ABCA13: variants seen among roughly 807,000 people sequenced by gnomAD.
ABCA13 encodes the protein ATP binding cassette subfamily A member 13, also known as ATP-binding cassette sub-family A member 13.
ABCA13 carries 476 observed loss-of-function variants against 478.7 expected under a neutral mutation model. The observed-to-expected ratio is 0.99, with a 90% CI of 0.92 to 1.07. The LOEUF (loss-of-function observed/expected upper bound fraction) is 1.07, where lower values mean the gene tolerates loss of function less well. Ranked by LOEUF, ABCA13 falls within the 50% of genes least tolerant of loss-of-function variation. The pLI is 0.00. For missense variants in ABCA13, 6,060 were observed against 5,910.6 expected (o/e 1.03, Z -0.83); for synonymous variants, 2,252 against 2,158.9 (o/e 1.04, Z -1.20).
chr7:48,275,216 C>T lies in ABCA13; in HGVS notation c.5550C>T (p.Ser1850=). Reference sequence around the variant, plus strand: ...ATGTCCATGGGCTCATGTCTTCTTCCTTTTATGGCAAAGTGGCCAGTATAC... The same window carrying T: ...ATGTCCATGGGCTCATGTCTTCTTCTTTTTATGGCAAAGTGGCCAGTATAC... The part of the protein sequence containing the change: ...PCNVHGLMSS[S]FYGKVASILD... The change falls in exon 17 of 62, where the codon TCC becomes TCT. Residue 1850 remains serine, a synonymous_variant. Coordinates refer to ENST00000435803, the MANE Select transcript of ABCA13 (RefSeq NM_152701.5). 1.2e-6 allele frequency: 2 copies of T among 1,613,884 alleles called. No homozygotes were observed. The highest frequency in any genetic ancestry group is 1.1e-5 in the South Asian group (1 of 91,076).
chr7:48,310,542 G>A (rs1235822500), intron 24 of ABCA13, among the ~76,000 whole-genome samples: 4 of 152,150 alleles, frequency 2.6e-5, no homozygotes, highest in Non-Finnish European at 5.9e-5. Context: ...GTCCACTCCT[G>A]AGCGGCCCGA....
At position 48,470,130 on chromosome 7, in the gene ABCA13, T is replaced by C. The variant is rs1827325534; in HGVS notation, c.12906-1400T>C. ...TTCTTAAACTTTAAAAGAAAAATTA[T>C]GTAGAAACTTCTGATTTCTCATAGA... On this transcript the variant is annotated intron_variant, in intron 44 of 61. Transcript: ENST00000435803. Among the ~76,000 whole-genome samples the C allele has an allele frequency of 1.3e-5, 2 of 152,230 alleles. 1 individual carries two copies. The highest frequency in any genetic ancestry group is 2.9e-5 in the Non-Finnish European group (2 of 68,044).
chr7:48,639,418 A>G, intron 59 of ABCA13, among the ~76,000 whole-genome samples: 1 of 152,198 alleles, frequency 6.6e-6, no homozygotes, highest in East Asian at 1.9e-4. Flanking sequence ...AGGCAGGAAG[A>G]TGAGAATTAG....
At chr7:48,250,425 C>T (rs574013354) in intron 15 of ABCA13, among the ~76,000 whole-genome samples, 8 of 152,274 alleles carry the variant, frequency 5.3e-5, no homozygotes, top group African/African-American at 1.9e-4. Context: ...AAGTTCCAAC[C>T]TTCTAATTAC....
chr7:48,235,634 G>C (rs1789835248), intron 8 of ABCA13, among the ~76,000 whole-genome samples: 1 of 152,210 alleles, frequency 6.6e-6, no homozygotes, highest in Non-Finnish European at 1.5e-5. Context: ...GGTGTCTGCA[G>C]GGCTGCAATC....
chr7:48,489,984 C>G lies in ABCA13; in HGVS notation c.13291+640C>G, dbSNP rs372405234. Among the ~76,000 whole-genome samples, 372 of 152,262 alleles carry G rather than the reference C, an allele frequency of 2.4e-3. 3 individuals carry two copies. Among genetic ancestry groups the G allele is most frequent in the African/African-American group, 8.8e-3 (364 of 41,556 alleles). ...AAGAAGTATAAGCAACAGGCCATGT[C>G]CACCACAATTTATTCACAAAATGTA... is the stretch of plus-strand genomic sequence containing the variant. On this transcript the variant is annotated intron_variant, in intron 48 of 61. Transcript: ENST00000435803.
chr7:48,537,462 C>G (rs1256596257), intron 55 of ABCA13, among the ~76,000 whole-genome samples: 1 of 152,148 alleles, frequency 6.6e-6, no homozygotes, highest in African/African-American at 2.4e-5. Context: ...TAGAAGGATG[C>G]ATCTCACGGA....
rs1301354803 is a variant in ABCA13 at position 48,585,848 on chromosome 7, T to A, written c.14506-1306T>A. The stretch of plus-strand genomic sequence containing the variant: ...GTCATAAGAGTTAAATAAAATTGTT[T>A]GGAAAATTTTTAAATTATGCTAAGT... On this transcript the variant is annotated intron_variant, in intron 56 of 61. Coordinates refer to ENST00000435803, the MANE Select transcript of ABCA13 (RefSeq NM_152701.5). 2.6e-5 allele frequency among the ~76,000 whole-genome samples: 4 copies of A among 152,166 alleles called. No individual in the cohort carries two copies. The East Asian group carries it at 7.7e-4, about 29-fold the overall frequency.
intron 55 of ABCA13, among the ~76,000 whole-genome samples, chr7:48,564,902 C>T (rs1006193071): frequency 5.3e-5 from 8 of 152,058 alleles, no homozygotes; most frequent in African/African-American, 1.7e-4. Flanking sequence ...TAAAATTTAA[C>T]AGTGACTTGC....
chr7:48,391,309 G>T (rs555276558), intron 37 of ABCA13, among the ~76,000 whole-genome samples: 1 of 152,168 alleles, frequency 6.6e-6, no homozygotes, highest in Non-Finnish European at 1.5e-5. Flanking sequence ...TCATCTTAAA[G>T]TCCCATACAA....
At chr7:48,490,147 T>C (rs1364448022) in intron 48 of ABCA13, among the ~76,000 whole-genome samples, 4 of 152,210 alleles carry the variant, frequency 2.6e-5, no homozygotes, top group African/African-American at 9.6e-5. Flanking sequence ...TAAATTTAAT[T>C]ATTTTGTGGC....
chr7:48,298,618 A>C, intron 23 of ABCA13, 131 bp downstream of exon 23: 1 of 1,076,162 alleles, frequency 9.3e-7, no homozygotes. Context: ...TTGCTGCACA[A>C]ATGATATAAT....
chr7:48,442,558 T>C (rs916765021), intron 42 of ABCA13, among the ~76,000 whole-genome samples: 7 of 152,256 alleles, frequency 4.6e-5, no homozygotes, highest in Admixed American at 1.3e-4. Context: ...GAATTTATAA[T>C]GTTTAGTATA....
At chr7:48,257,794 TGGTATCA>T (rs1424568830) in intron 15 of ABCA13, among the ~76,000 whole-genome samples, 1 of 152,226 alleles carries the variant, frequency 6.6e-6, no homozygotes, top group Non-Finnish European at 1.5e-5. Flanking sequence ...TGCCAGGGTT[TGGTATCA>T]GGATGATGCT....
intron 55 of ABCA13, among the ~76,000 whole-genome samples, chr7:48,577,312 A>G (rs1183658268): frequency 3.3e-5 from 5 of 152,118 alleles, no homozygotes; most frequent in Non-Finnish European, 7.4e-5. Context: ...ATGAATTAAA[A>G]GATGAAATAA....
At chr7:48,280,601 G>T (rs1429663339) in intron 18 of ABCA13, among the ~76,000 whole-genome samples, 1 of 152,130 alleles carries the variant, frequency 6.6e-6, no homozygotes, top group Non-Finnish European at 1.5e-5. Flanking sequence ...TACTGTTAGG[G>T]TGGTCCCTGG....
At chr7:48,363,982 G>A (rs985481852) in intron 31 of ABCA13, among the ~76,000 whole-genome samples, 2 of 152,058 alleles carry the variant, frequency 1.3e-5, no homozygotes, top group Non-Finnish European at 2.9e-5. Context: ...TAATAATTAT[G>A]CAACTCTCAA....
At chr7:48,476,329 AG>A (rs1260672536) in intron 45 of ABCA13, among the ~76,000 whole-genome samples, 2 of 152,218 alleles carry the variant, frequency 1.3e-5, no homozygotes, top group East Asian at 3.9e-4. Context: ...GGTTGTAACC[AG>A]CAAAAGGGCC....
chr7:48,225,330 A>T (rs1562818154), intron 5 of ABCA13, among the ~76,000 whole-genome samples: 1 of 147,586 alleles, frequency 6.8e-6, no homozygotes, highest in Non-Finnish European at 1.5e-5. Flanking sequence ...TTTTCAATCG[A>T]TGGTTTATTG....
Sources: allele counts gnomAD v4.1 joint callset (sites outside exome capture counted in the v4.1 genomes callset), GRCh38; gene constraint gnomAD v4.1.1; transcripts MANE v1.5; gene names NCBI Gene and HGNC (gene_info 2026-07-23, HGNC 2026-07-21).